The following C12orf42 variants were observed in gnomAD, a reference collection of about 807,000 sequenced individuals.
C12orf42 encodes the protein chromosome 12 open reading frame 42.
Under a neutral mutation model 21.6 loss-of-function variants are expected in C12orf42, and 25 were observed. The ratio of observed to expected loss-of-function variants is 1.16; its 90% confidence interval spans 0.84 to 1.62. The LOEUF (loss-of-function observed/expected upper bound fraction) is 1.62. Ranked by LOEUF, C12orf42 falls within the 40% of genes most tolerant of loss-of-function variation. C12orf42 has a pLI of 0.00. For synonymous variants in C12orf42, 174 were observed against 175.0 expected, an observed-to-expected ratio of 0.99 and a Z score of 0.05; for missense variants, 483 against 459.3, an observed-to-expected ratio of 1.05 and a Z score of -0.47.
downstream of C12orf42, among the ~76,000 whole-genome samples, chr12:103,235,064 CT>C (rs2033427603): frequency 6.6e-6 from 1 of 152,168 alleles, no homozygotes; most frequent in Admixed American, 6.5e-5. Context: ...AAGTGTCTAT[CT>C]GCCTGAACGT....
At chr12:103,147,343 A>G in the C12orf42 span, among the ~76,000 whole-genome samples, 1 of 152,226 alleles carries the variant, frequency 6.6e-6, no homozygotes, top group Non-Finnish European at 1.5e-5. Context: ...AAGAATTTTC[A>G]GGTCAAAAAT....
At chr12:103,292,992 A>G (rs527507602) in intron 4 of C12orf42, among the ~76,000 whole-genome samples, 4 of 152,204 alleles carry the variant, frequency 2.6e-5, no homozygotes, top group Non-Finnish European at 5.9e-5. Flanking sequence ...GAAAAACACC[A>G]TAGAATTCAT....
chr12:103,090,311 G>T, the C12orf42 span, among the ~76,000 whole-genome samples: 1 of 152,212 alleles, frequency 6.6e-6, no homozygotes, highest in South Asian at 2.1e-4. Context: ...GATGGGATTC[G>T]GGATGAGGCA....
At chr12:103,198,699 T>C in the C12orf42 span, among the ~76,000 whole-genome samples, 1 of 152,180 alleles carries the variant, frequency 6.6e-6, no homozygotes, top group Admixed American at 6.5e-5. Context: ...AGTGTGCTAC[T>C]CCACACCTGC....
chr12:103,117,229 G>A, the C12orf42 span, among the ~76,000 whole-genome samples: 1 of 151,996 alleles, frequency 6.6e-6, no homozygotes, highest in Non-Finnish European at 1.5e-5. Context: ...AGCTTCTAGT[G>A]TCCTCTGTTT....
chr12:103,282,246 A>C (rs902093048), intron 4 of C12orf42, among the ~76,000 whole-genome samples: 2 of 152,256 alleles, frequency 1.3e-5, no homozygotes, highest in Non-Finnish European at 2.9e-5. Context: ...TAGAACAAAT[A>C]CATAAAGACC....
the C12orf42 span, among the ~76,000 whole-genome samples, chr12:103,072,444 T>TA: frequency 0.045 from 6,350 of 140,826 alleles, 171 homozygotes; most frequent in African/African-American, 0.07. Context: ...TGTTCTCAGC[T>TA]AAAAAAAAAA....
At chr12:103,536,197 C>A in the C12orf42 span, among the ~76,000 whole-genome samples, 1 of 152,092 alleles carries the variant, frequency 6.6e-6, no homozygotes, top group Non-Finnish European at 1.5e-5. Context: ...AGATGAGAGT[C>A]AATAATGAAC....
chr12:103,236,126 C>CTAAT (rs1364158904), downstream of C12orf42, among the ~76,000 whole-genome samples: 3 of 152,000 alleles, frequency 2.0e-5, no homozygotes, highest in Non-Finnish European at 4.4e-5. Flanking sequence ...TTTAAATATT[C>CTAAT]TAATTACCTG....
At chr12:103,530,335 G>A in the C12orf42 span, among the ~76,000 whole-genome samples, 3 of 152,202 alleles carry the variant, frequency 2.0e-5, no homozygotes, top group African/African-American at 7.2e-5. Flanking sequence ...TGCAAAGGCG[G>A]TGGCGTGTGT....
intron 10 of C12orf42, among the ~76,000 whole-genome samples, chr12:103,260,176 C>T (rs779699432): frequency 6.6e-6 from 1 of 152,124 alleles, no homozygotes; most frequent in Non-Finnish European, 1.5e-5. Flanking sequence ...AATAAATTGG[C>T]TTCTTTATAA....
At chr12:103,491,549 C>T (rs1955185539) in intron 1 of C12orf42, among the ~76,000 whole-genome samples, 1 of 152,228 alleles carries the variant, frequency 6.6e-6, no homozygotes, top group Non-Finnish European at 1.5e-5. Context: ...CCTCTACACT[C>T]TATTGTTATC....
At chr12:103,383,568 G>A (rs760440191) in intron 3 of C12orf42, among the ~76,000 whole-genome samples, 14 of 152,136 alleles carry the variant, frequency 9.2e-5, no homozygotes, top group Non-Finnish European at 2.1e-4. Context: ...GAGTATAAAT[G>A]CACTCTTGGC....
chr12:103,152,339 G>A, the C12orf42 span, among the ~76,000 whole-genome samples: 4 of 152,258 alleles, frequency 2.6e-5, no homozygotes, highest in South Asian at 6.2e-4. Flanking sequence ...TTGTTATGCA[G>A]CAGTAGAGAG....
At chr12:103,142,079 T>A in the C12orf42 span, among the ~76,000 whole-genome samples, 1 of 152,212 alleles carries the variant, frequency 6.6e-6, no homozygotes, top group Non-Finnish European at 1.5e-5. Context: ...GTTTTCCTTT[T>A]ACATGACATT....
At chr12:103,487,418 G>C (rs1324575531) in intron 1 of C12orf42, among the ~76,000 whole-genome samples, 1 of 152,182 alleles carries the variant, frequency 6.6e-6, no homozygotes, top group African/African-American at 2.4e-5. Context: ...GTGCTGAGAA[G>C]AATGTATATT....
At chr12:103,270,340 G>A (rs1182368094) in intron 5 of C12orf42, 1 of 148,504 alleles carries the variant, frequency 6.7e-6, no homozygotes, top group Non-Finnish European at 1.5e-5. Flanking sequence ...GGGAAGGGAA[G>A]GAAGTAAGGA....
At chr12:103,475,940 T>G (rs1429978721) in intron 2 of C12orf42, among the ~76,000 whole-genome samples, 1 of 152,202 alleles carries the variant, frequency 6.6e-6, no homozygotes, top group Non-Finnish European at 1.5e-5. Context: ...GGGATTAACA[T>G]GAAAGATGGG....
At chr12:103,217,828 C>A in the C12orf42 span, among the ~76,000 whole-genome samples, 1 of 152,164 alleles carries the variant, frequency 6.6e-6, no homozygotes, top group Non-Finnish European at 1.5e-5. Flanking sequence ...TCCCATGCTG[C>A]ATCAATCTGT....
Sources: allele counts gnomAD v4.1 joint callset (sites outside exome capture counted in the v4.1 genomes callset), GRCh38; gene constraint gnomAD v4.1.1; transcripts MANE v1.5; gene names NCBI Gene and HGNC (gene_info 2026-07-23, HGNC 2026-07-21).